The following NELL1 variants were observed in gnomAD, a reference collection of about 807,000 sequenced individuals.
NELL1 encodes neural EGFL like 1.
In NELL1, 76 loss-of-function variants were observed where a neutral mutation model predicts 107.4. That is an observed-to-expected ratio of 0.71 (90% CI 0.59 to 0.86). The LOEUF is 0.86. Among genes scored for constraint, NELL1 ranks in the 40% least tolerant of loss-of-function variants. The pLI is 0.00. For missense variants in NELL1, 1,024 were observed against 1,005.5 expected (o/e 1.02, Z -0.25); for synonymous variants, 353 against 341.2 (o/e 1.03, Z -0.38).
At position 21,299,511 on chromosome 11, in the gene NELL1, A is replaced by ATGTGTGTG. The variant is rs71063696; in HGVS notation, c.1549+70103_1549+70110dup. On this transcript the variant is annotated intron_variant, in intron 14 of 19. Transcript: ENST00000357134. ...AAATTTCAACATTTTATTGTCTTATATGTGTGTGTGTGTGTGTGTGTGTGT... is the reference window on the plus strand; with the variant it reads ...AAATTTCAACATTTTATTGTCTTATATGTGTGTGTGTGTGTGTGTGTGTGTGTGTGTGT... Among the ~76,000 whole-genome samples, 465 of 136,462 alleles carry ATGTGTGTG rather than the reference A, an allele frequency of 3.4e-3. 3 individuals carry two copies. Among genetic ancestry groups the ATGTGTGTG allele is most frequent in the Non-Finnish European group, 4.4e-3 (284 of 64,470 alleles). 89.5% of individuals were successfully genotyped at this position (136,462 alleles called of 152,430 possible).
chr11:21,192,653 T>G (rs1857071520), intron 13 of NELL1, among the ~76,000 whole-genome samples: 2 of 151,854 alleles, frequency 1.3e-5, no homozygotes, highest in Non-Finnish European at 1.5e-5. Flanking sequence ...AGGGCATGTT[T>G]TGTAGTGACA....
chr11:21,222,951 G>A (rs1325275023), intron 13 of NELL1, among the ~76,000 whole-genome samples: 1 of 152,128 alleles, frequency 6.6e-6, no homozygotes, highest in Non-Finnish European at 1.5e-5. Context: ...TTAGACTCTT[G>A]TGATCTAACA....
chr11:21,113,330 A>G (rs1028049914), intron 12 of NELL1, among the ~76,000 whole-genome samples: 2 of 151,988 alleles, frequency 1.3e-5, no homozygotes, highest in African/African-American at 4.8e-5. Flanking sequence ...TAAGAAACTA[A>G]TAGTTGTAAA....
chr11:21,516,740 TAC>T (rs113449367), intron 15 of NELL1, among the ~76,000 whole-genome samples: 2,054 of 141,528 alleles, frequency 0.015, 18 homozygotes, highest in African/African-American at 0.022. Context: ...CACACACACA[TAC>T]ACACACACAC....
chr11:20,719,717 T>C (rs1590231687), intron 2 of NELL1, among the ~76,000 whole-genome samples: 1 of 152,194 alleles, frequency 6.6e-6, no homozygotes, highest in Non-Finnish European at 1.5e-5. Flanking sequence ...ATTATTTTAT[T>C]TCCTAAACAA....
chr11:21,107,349 A>C (rs2133717266), intron 12 of NELL1, among the ~76,000 whole-genome samples: 1 of 152,264 alleles, frequency 6.6e-6, no homozygotes, highest in East Asian at 1.9e-4. Context: ...GTATGACACA[A>C]AGGGAAAGTA....
At chr11:21,271,270 A>C (rs1848734107) in intron 14 of NELL1, among the ~76,000 whole-genome samples, 1 of 152,174 alleles carries the variant, frequency 6.6e-6, no homozygotes, top group Non-Finnish European at 1.5e-5. Flanking sequence ...AAAAGAAGGA[A>C]GACAAATCAC....
At chr11:20,707,198 G>T (rs1854987079) in intron 2 of NELL1, among the ~76,000 whole-genome samples, 1 of 152,154 alleles carries the variant, frequency 6.6e-6, no homozygotes, top group African/African-American at 2.4e-5. Context: ...TCCTGCCATG[G>T]TGTTCAGCTC....
At chr11:20,822,388 T>C (rs435001) in intron 3 of NELL1, among the ~76,000 whole-genome samples, 126,738 of 152,220 alleles carry the variant, frequency 0.83, 53,263 homozygotes, top group East Asian at 0.96. Flanking sequence ...TACCTTCATT[T>C]CCTGGCAGGG....
intron 12 of NELL1, among the ~76,000 whole-genome samples, chr11:21,005,771 C>T (rs567471339): frequency 1.2e-4 from 18 of 152,238 alleles, no homozygotes; most frequent in South Asian, 2.1e-4. Flanking sequence ...CAAACGTAAC[C>T]GTGATGGATT....
At chr11:20,876,856 T>C (rs768740728) in intron 4 of NELL1, among the ~76,000 whole-genome samples, 14 of 152,206 alleles carry the variant, frequency 9.2e-5, no homozygotes, top group Non-Finnish European at 1.3e-4. Context: ...TCAGTAAACT[T>C]TGAGGACCTG....
intron 12 of NELL1, among the ~76,000 whole-genome samples, chr11:21,026,558 A>G (rs1403053566): frequency 1.3e-5 from 2 of 152,296 alleles, no homozygotes; most frequent in Non-Finnish European, 2.9e-5. Context: ...GTTTATGAAC[A>G]ATAGATGGCA....
rs577480722 is a variant in NELL1, at chr11:21,572,158, C to T, written c.2158-1027C>T. Reference sequence around the variant, plus strand: ...GTTTCCCTATGAGACTGGCAAATTGCATTTCTTTTCCAAGAAGCTAATCAT... The same window carrying T: ...GTTTCCCTATGAGACTGGCAAATTGTATTTCTTTTCCAAGAAGCTAATCAT... On this transcript the variant is annotated intron_variant, in intron 18 of 19. Transcript: ENST00000357134. Among the ~76,000 whole-genome samples, 19 of 151,866 alleles carry T rather than the reference C, an allele frequency of 1.3e-4. No homozygotes were observed. In the South Asian group the frequency reaches 3.3e-3, roughly 27 times the overall value.
intron 13 of NELL1, among the ~76,000 whole-genome samples, chr11:21,165,966 G>A (rs938073415): frequency 1.3e-5 from 2 of 151,364 alleles, no homozygotes; most frequent in Non-Finnish European, 2.9e-5. Context: ...TATTGGTCAG[G>A]CTAGTGTTGA....
Position 20,721,888 on chromosome 11 carries a change from T to G in NELL1, c.184+43828T>G, listed in dbSNP as rs146998418. On this transcript the variant is annotated intron_variant, in intron 2 of 19. Transcript: ENST00000357134. ...GCTTAACAGGTTAACATGTGAGGGTTTGAAGAGTTCTTGGCAGAGGGGGAG... is the reference window on the plus strand; with the variant it reads ...GCTTAACAGGTTAACATGTGAGGGTGTGAAGAGTTCTTGGCAGAGGGGGAG... Among the ~76,000 whole-genome samples the G allele has an allele frequency of 2.9e-3, 446 of 152,290 alleles. 3 individuals are homozygous for G. The highest frequency in any genetic ancestry group is 6.8e-3 in the Middle Eastern group (2 of 294).
chr11:20,993,052 C>T (rs7941005), intron 12 of NELL1, among the ~76,000 whole-genome samples: 11,005 of 152,128 alleles, frequency 0.072, 523 homozygotes, highest in Middle Eastern at 0.21. Flanking sequence ...CCTTGTCATA[C>T]TTTCCTCTTT....
chr11:21,116,328 T>TGAAAGGA lies in NELL1; in HGVS notation c.1426+2614_1426+2615insGAAAGGA, dbSNP rs547650702. The stretch of plus-strand genomic sequence containing the variant: ...TGACTTCTGAAAGGTTAGAGTACCC[T>TGAAAGGA]CCGGTTCTATCCTGGTCCCCTTCCC... On this transcript the variant is annotated intron_variant, in intron 13 of 19. Coordinates refer to ENST00000357134, the MANE Select transcript of NELL1 (RefSeq NM_006157.5). Among the ~76,000 whole-genome samples the TGAAAGGA allele has an allele frequency of 1.7e-3, 263 of 152,122 alleles. 1 individual carries two copies. The highest frequency in any genetic ancestry group is 6.1e-3 in the African/African-American group (253 of 41,536).
chr11:20,803,766 A>G (rs1857325889), intron 3 of NELL1, among the ~76,000 whole-genome samples: 1 of 152,184 alleles, frequency 6.6e-6, no homozygotes, highest in Non-Finnish European at 1.5e-5. Context: ...GGGTGTTGCC[A>G]AAGGAGATTA....
chr11:21,528,625 C>A (rs565248910), intron 15 of NELL1, among the ~76,000 whole-genome samples: 1 of 147,228 alleles, frequency 6.8e-6, no homozygotes, highest in African/African-American at 2.5e-5. Context: ...CAAAATAAAT[C>A]TTTTTTCTTC....
Sources: allele counts gnomAD v4.1 joint callset (sites outside exome capture counted in the v4.1 genomes callset), GRCh38; gene constraint gnomAD v4.1.1; transcripts MANE v1.5; gene names NCBI Gene and HGNC (gene_info 2026-07-23, HGNC 2026-07-21).